The following ACBD6 variants were observed in gnomAD, a reference collection of about 807,000 sequenced individuals.
ACBD6 encodes acyl-CoA binding domain containing 6.
Under a neutral mutation model 37.2 loss-of-function variants are expected in ACBD6, and 28 were observed. That is an observed-to-expected ratio of 0.75 (90% confidence interval 0.56 to 1.03). The LOEUF is 1.03. Ranked by LOEUF, ACBD6 falls within the 50% of genes least tolerant of loss-of-function variation. The pLI is 0.00. For missense variants in ACBD6, 340 were observed against 337.4 expected, an observed-to-expected ratio of 1.01 and a Z score of -0.06; for synonymous variants, 113 against 126.8, an observed-to-expected ratio of 0.89 and a Z score of 0.73.
At chr1:180,369,220 A>T (rs1246263990) in intron 6 of ACBD6, among the ~76,000 whole-genome samples, 1 of 152,214 alleles carries the variant, frequency 6.6e-6, no homozygotes, top group Non-Finnish European at 1.5e-5. Context: ...TCCAACCCAT[A>T]TCACAAAGGT....
At chr1:180,297,449 G>T (rs539671426) in intron 7 of ACBD6, among the ~76,000 whole-genome samples, 4 of 152,132 alleles carry the variant, frequency 2.6e-5, no homozygotes, top group Non-Finnish European at 4.4e-5. Context: ...GCGATGTGGG[G>T]TTTCTTAGAA....
At chr1:180,381,796 G>A (rs1249818430) in intron 6 of ACBD6, among the ~76,000 whole-genome samples, 1 of 152,012 alleles carries the variant, frequency 6.6e-6, no homozygotes, top group African/African-American at 2.4e-5. Flanking sequence ...AATCTAACAA[G>A]TCACCTCAAG....
chr1:180,325,247 G>T (rs183730406), intron 6 of ACBD6, among the ~76,000 whole-genome samples: 1 of 151,966 alleles, frequency 6.6e-6, no homozygotes, highest in Non-Finnish European at 1.5e-5. Flanking sequence ...CCCTTTTGAG[G>T]CTGTTTTCTA....
At chr1:180,419,059 C>T (rs965244760) in intron 4 of ACBD6, among the ~76,000 whole-genome samples, 1 of 152,124 alleles carries the variant, frequency 6.6e-6, no homozygotes, top group African/African-American at 2.4e-5. Flanking sequence ...AGACCATCCT[C>T]GCTAACACGG....
intron 10 of ACBD6, chr1:180,274,589 C>T (rs1211678501): frequency 1.3e-6 from 2 of 1,553,292 alleles, no homozygotes; most frequent in African/African-American, 1.4e-5. Flanking sequence ...AACTTCTCTC[C>T]TCCCCACCCT....
chr1:180,448,255 T>C (rs1400113718), intron 3 of ACBD6, among the ~76,000 whole-genome samples: 4 of 152,206 alleles, frequency 2.6e-5, no homozygotes, highest in African/African-American at 9.6e-5. Flanking sequence ...TTTTCACCAA[T>C]AATATAACTT....
intron 1 of ACBD6, among the ~76,000 whole-genome samples, chr1:180,501,610 G>C (rs1651978817): frequency 6.6e-6 from 1 of 152,120 alleles, no homozygotes; most frequent in African/African-American, 2.4e-5. Flanking sequence ...GAGCAACCAC[G>C]CCCAGCCCTG....
chr1:180,413,442 C>A lies in ACBD6; in HGVS notation c.497G>T (p.Cys166Phe). 1.9e-6 allele frequency: 3 copies of A among 1,612,808 alleles called. No individual in the cohort carries two copies. The highest frequency in any genetic ancestry group is 2.5e-6 in the Non-Finnish European group (3 of 1,179,696). Residue 166 changes from cysteine (C) to phenylalanine (F), a missense_variant, in exon 5 of 8, where the codon TGC becomes TTC. Transcript: ENST00000367595. ...REEDKNIFDY[C>F]RENNIDHITK... ...TATATGGTCAATGTTGTTTTCCCTGCAGTAATCAAATATATTTTTGTCTTC... is the reference window on the plus strand; with the variant it reads ...TATATGGTCAATGTTGTTTTCCCTGAAGTAATCAAATATATTTTTGTCTTC...
Position 180,492,268 on chromosome 1 carries a change from C to T in ACBD6, c.384+1G>A. 1 of 1,610,380 alleles carries T rather than the reference C, an allele frequency of 6.2e-7. No homozygotes were observed. The highest frequency in any genetic ancestry group is 8.5e-7 in the Non-Finnish European group (1 of 1,176,748). ...TATTATTTATAATCATTAAGTCTTA[C>T]CTGAGGATTCCAACCTGGATCTAGT... On this transcript the variant is annotated splice_donor_variant, in intron 3 of 7. Coordinates refer to ENST00000367595, the MANE Select transcript of ACBD6 (RefSeq NM_032360.4). LOFTEE classifies it high-confidence loss of function.
chr1:180,497,597 A>G (rs1176181718), intron 1 of ACBD6, among the ~76,000 whole-genome samples: 1 of 152,250 alleles, frequency 6.6e-6, no homozygotes, highest in Non-Finnish European at 1.5e-5. Context: ...AAAAATGTGT[A>G]TTAATTCATT....
intron 7 of ACBD6, among the ~76,000 whole-genome samples, chr1:180,314,205 T>C (rs1013458721): frequency 6.6e-6 from 1 of 152,194 alleles, no homozygotes; most frequent in Non-Finnish European, 1.5e-5. Flanking sequence ...TTATTATAAA[T>C]GTGACCATAA....
In ACBD6 at chr1:180,502,297, C is replaced by T. The variant is rs1652018623; in HGVS notation, c.-31G>A. 1.2e-6 allele frequency: 2 copies of T among 1,609,182 alleles called. No homozygotes were observed. Among genetic ancestry groups the T allele is most frequent in the African/African-American group, 1.3e-5 (1 of 74,848 alleles). On this transcript the variant is annotated 5_prime_UTR_variant, in exon 1 of 8. Transcript: ENST00000367595. The stretch of plus-strand genomic sequence containing the variant: ...CTTGCTCGCTCCGTCCCTCTGTGTC[C>T]GGTCTGTCCTCCTTGGATTGGGTGT...
intron 6 of ACBD6, among the ~76,000 whole-genome samples, chr1:180,371,222 C>A (rs747957602): frequency 6.6e-6 from 1 of 151,830 alleles, no homozygotes; most frequent in Admixed American, 6.6e-5. Context: ...ATATTTTGTA[C>A]AATTATTTTA....
At chr1:180,357,956 T>C (rs1265205269) in intron 6 of ACBD6, among the ~76,000 whole-genome samples, 1 of 152,196 alleles carries the variant, frequency 6.6e-6, no homozygotes, top group Non-Finnish European at 1.5e-5. Flanking sequence ...ATAACATAAA[T>C]TGGGCATACA....
At chr1:180,308,596 G>C (rs1454558365) in intron 7 of ACBD6, among the ~76,000 whole-genome samples, 1 of 152,122 alleles carries the variant, frequency 6.6e-6, no homozygotes, top group African/African-American at 2.4e-5. Flanking sequence ...TTACCAATAG[G>C]CCAACTTGTT....
intron 6 of ACBD6, among the ~76,000 whole-genome samples, chr1:180,376,345 A>C (rs1287594012): frequency 6.6e-6 from 1 of 152,222 alleles, no homozygotes; most frequent in Non-Finnish European, 1.5e-5. Flanking sequence ...TCCTGAAGGT[A>C]CACCTCCAAC....
chr1:180,274,533 C>A lies in ACBD6; in HGVS notation c.*936+118G>T. ...AGTGTAGGCTATCCCGACTTTCCAA[C>A]TAGCCCAGGCTCTTGGCTCGATGAA... On this transcript the variant is annotated intron_variant, in intron 10 of 13. Transcript: ENST00000642319. 1 of 1,601,772 alleles carries A rather than the reference C, an allele frequency of 6.2e-7. No homozygotes were observed. Among genetic ancestry groups the A allele is most frequent in the Admixed American group, 1.7e-5 (1 of 59,850 alleles).
chr1:180,446,325 T>C (rs931784999), intron 3 of ACBD6, among the ~76,000 whole-genome samples: 5 of 152,128 alleles, frequency 3.3e-5, no homozygotes, highest in Non-Finnish European at 5.9e-5. Context: ...AAGTGTACTT[T>C]TAAAATGTTT....
chr1:180,494,300 A>G (rs1651640831), intron 2 of ACBD6, among the ~76,000 whole-genome samples: 1 of 152,216 alleles, frequency 6.6e-6, no homozygotes, highest in Non-Finnish European at 1.5e-5. Flanking sequence ...CAATGGAGAA[A>G]CAGGCAAAGC....
Sources: allele counts gnomAD v4.1 joint callset (sites outside exome capture counted in the v4.1 genomes callset), GRCh38; gene constraint gnomAD v4.1.1; transcripts MANE v1.5; gene names NCBI Gene and HGNC (gene_info 2026-07-23, HGNC 2026-07-21).